The following FAM114A1 variants were observed in gnomAD, a reference collection of about 807,000 sequenced individuals.
FAM114A1 encodes the protein protein NOXP20.
Under a neutral mutation model 64.3 loss-of-function variants are expected in FAM114A1, and 62 were observed. That is an observed-to-expected ratio of 0.96 (90% CI 0.79 to 1.19). The LOEUF (loss-of-function observed/expected upper bound fraction) is 1.19. FAM114A1 is among the 50% of genes most tolerant of loss of function. FAM114A1 has a pLI of 0.00. For synonymous variants in FAM114A1, 254 were observed against 251.1 expected, an observed-to-expected ratio of 1.01 and a Z score of -0.11; for missense variants, 645 against 676.3, an observed-to-expected ratio of 0.95 and a Z score of 0.51.
intron 9 of FAM114A1, among the ~76,000 whole-genome samples, chr4:38,924,805 G>A (rs915384389): frequency 6.6e-6 from 1 of 152,090 alleles, no homozygotes; most frequent in African/African-American, 2.4e-5. Flanking sequence ...ACTAATAGAT[G>A]CCCCTTTCCC....
chr4:38,894,389 T>C (rs542007824), intron 4 of FAM114A1, among the ~76,000 whole-genome samples: 3 of 152,290 alleles, frequency 2.0e-5, no homozygotes, highest in East Asian at 3.9e-4. Context: ...TGAGTAATCA[T>C]TGATCCAGAA....
At chr4:38,898,509 G>T (rs1250205226) in intron 4 of FAM114A1, among the ~76,000 whole-genome samples, 5 of 152,164 alleles carry the variant, frequency 3.3e-5, no homozygotes, top group Non-Finnish European at 5.9e-5. Flanking sequence ...CATTGCTGAT[G>T]ATATGAAATT....
chr4:38,940,870 C>A, intron 13 of FAM114A1, 98 bp from the exon 14 acceptor site: 2 of 1,271,574 alleles, frequency 1.6e-6, no homozygotes, highest in Non-Finnish European at 2.3e-6. Flanking sequence ...TCTTCCTCTG[C>A]AAGAGATCCC....
At chr4:38,935,470 T>A (rs1721001312) in intron 12 of FAM114A1, among the ~76,000 whole-genome samples, 1 of 152,080 alleles carries the variant, frequency 6.6e-6, no homozygotes, top group African/African-American at 2.4e-5. Flanking sequence ...CTAAAAGAGG[T>A]CAAGTGAGTT....
At chr4:38,884,239 T>G (rs934526963) in intron 3 of FAM114A1, among the ~76,000 whole-genome samples, 7 of 152,214 alleles carry the variant, frequency 4.6e-5, no homozygotes, top group African/African-American at 9.6e-5. Context: ...TTCTCTCACC[T>G]CAGCCTCCCA....
chr4:38,922,000 G>A (rs1719641416), intron 8 of FAM114A1, among the ~76,000 whole-genome samples: 1 of 152,250 alleles, frequency 6.6e-6, no homozygotes, highest in South Asian at 2.1e-4. Context: ...GGAGTGCAGT[G>A]GCGCGATCTC....
At chr4:38,933,599 T>C (rs1560332877) in intron 12 of FAM114A1, among the ~76,000 whole-genome samples, 1 of 152,222 alleles carries the variant, frequency 6.6e-6, no homozygotes. Flanking sequence ...GTAACATATA[T>C]GAATATGCAA....
chr4:38,919,346 A>T (rs143039124), intron 8 of FAM114A1, among the ~76,000 whole-genome samples: 1 of 152,090 alleles, frequency 6.6e-6, no homozygotes, highest in Admixed American at 6.5e-5. Flanking sequence ...CTGCAGCTCT[A>T]TCTCTCACCC....
intron 4 of FAM114A1, among the ~76,000 whole-genome samples, chr4:38,901,710 C>G (rs915928269): frequency 1.3e-5 from 2 of 152,186 alleles, no homozygotes; most frequent in Non-Finnish European, 2.9e-5. Context: ...TGGTGGAATT[C>G]ACAAGAAGAG....
chr4:38,917,431 T>C (rs1362434622), intron 8 of FAM114A1, among the ~76,000 whole-genome samples: 3 of 152,144 alleles, frequency 2.0e-5, no homozygotes, highest in Non-Finnish European at 2.9e-5. Flanking sequence ...TCAATCTCCT[T>C]ATCTGTGAAA....
At chr4:38,897,198 C>T (rs1011060084) in intron 4 of FAM114A1, among the ~76,000 whole-genome samples, 6 of 152,178 alleles carry the variant, frequency 3.9e-5, no homozygotes, top group Admixed American at 1.3e-4. Context: ...TACTAACTAG[C>T]TACACTGTGC....
chr4:38,911,554 T>C (rs1281169128), intron 7 of FAM114A1, among the ~76,000 whole-genome samples: 3 of 152,186 alleles, frequency 2.0e-5, no homozygotes, highest in African/African-American at 7.2e-5. Context: ...ATGGAGGCCT[T>C]GTAGGTAGTG....
At chr4:38,936,472 G>T (rs996837903) in intron 13 of FAM114A1, among the ~76,000 whole-genome samples, 1 of 151,406 alleles carries the variant, frequency 6.6e-6, no homozygotes, top group Non-Finnish European at 1.5e-5. Flanking sequence ...CAGAATCTCT[G>T]GTAAAATTAT....
chr4:38,940,890 C>A, intron 13 of FAM114A1, 78 bp from the exon 14 acceptor site: 2 of 1,433,394 alleles, frequency 1.4e-6, no homozygotes, highest in Non-Finnish European at 2.0e-6. Flanking sequence ...CTCAACAAAG[C>A]TAGTGTATTA....
rs185533170 is a variant in FAM114A1, at chr4:38,900,660, C to T, written c.437-4862C>T. ...GAGCCAGTCACAAAAAGACAAATAC[C>T]GTGTGATTCCACTTCTGTGGGGCAC... On this transcript the variant is annotated intron_variant, in intron 4 of 14. Coordinates refer to ENST00000358869, the MANE Select transcript of FAM114A1 (RefSeq NM_138389.4). 1.2e-4 allele frequency among the ~76,000 whole-genome samples: 18 copies of T among 152,238 alleles called. No homozygotes were observed. In the East Asian group the frequency reaches 2.9e-3, roughly 24 times the overall value.
At position 38,931,618 on chromosome 4, in the gene FAM114A1, T is replaced by A. The variant is rs192396684; in HGVS notation, c.1323+6T>A. On this transcript the variant is annotated splice_donor_region_variant and intron_variant, in intron 11 of 14. Coordinates refer to ENST00000358869, the MANE Select transcript of FAM114A1 (RefSeq NM_138389.4). Reference sequence around the variant, plus strand: ...AGAAAACTAAGACCATAGAGGTAAATTCATTCTAGATTGTCTGCCTACAAG... The same window carrying A: ...AGAAAACTAAGACCATAGAGGTAAAATCATTCTAGATTGTCTGCCTACAAG... The A allele has an allele frequency of 1.9e-6, 3 of 1,609,504 alleles. No homozygotes were observed. The South Asian group carries it at 3.3e-5, about 18-fold the overall frequency.
chr4:38,879,455 C>A (rs1198844843), intron 3 of FAM114A1, among the ~76,000 whole-genome samples: 1 of 152,182 alleles, frequency 6.6e-6, no homozygotes, highest in African/African-American at 2.4e-5. Flanking sequence ...CAGGTTTTTC[C>A]TCTATGAAGT....
intron 6 of FAM114A1, among the ~76,000 whole-genome samples, chr4:38,908,012 T>C (rs1718185839): frequency 6.6e-6 from 1 of 152,218 alleles, no homozygotes; most frequent in African/African-American, 2.4e-5. Flanking sequence ...GAAATCAACC[T>C]GTCTCATTTC....
At chr4:38,894,877 A>G (rs1402728650) in intron 4 of FAM114A1, among the ~76,000 whole-genome samples, 1 of 152,222 alleles carries the variant, frequency 6.6e-6, no homozygotes. Flanking sequence ...TCAAGAGTTC[A>G]GGTATGGGAC....
Sources: gnomAD v4.1 joint callset for allele counts (sites outside exome capture counted in the v4.1 genomes callset) on GRCh38, gnomAD v4.1.1 for gene constraint, MANE v1.5 for transcripts, NCBI Gene and HGNC (gene_info 2026-07-23, HGNC 2026-07-21) for gene names.